TNNI1: variants seen among roughly 807,000 people sequenced by gnomAD.
TNNI1 encodes the protein troponin I, slow skeletal muscle.
A neutral mutation model predicts 26.7 loss-of-function variants in TNNI1; 14 were observed. The observed-to-expected ratio is 0.52, with a 90% CI of 0.35 to 0.82. TNNI1 has a LOEUF of 0.82. Ranked by LOEUF, TNNI1 falls within the 40% of genes least tolerant of loss-of-function variation. The probability of loss-of-function intolerance (pLI) is 0.01; values close to 1 mark genes in which losing one functional copy is unlikely to be tolerated. For missense variants in TNNI1, 164 were observed against 257.0 expected (o/e 0.64, Z 2.47); for synonymous variants, 79 against 98.2 (o/e 0.80, Z 1.16).
intron 8 of TNNI1, 38 bp downstream of exon 8, chr1:201,410,288 C>T: frequency 2.5e-6 from 4 of 1,584,454 alleles, no homozygotes; most frequent in Non-Finnish European, 3.5e-6. Context: ...CCTCTAGACT[C>T]TGATGGACCC....
rs1662712351 is a variant in TNNI1, at chr1:201,415,196, C to A, written c.57+17G>T. The stretch of plus-strand genomic sequence containing the variant: ...CCTCCCACTGGGCATCCCCCCACAG[C>A]CAGCCCCCAGCCTCACCTTCAGCAA... On this transcript the variant is annotated intron_variant, in intron 4 of 8. Coordinates refer to ENST00000361379, the MANE Select transcript of TNNI1 (RefSeq NM_003281.4). The A allele has an allele frequency of 1.2e-6, 2 of 1,611,906 alleles. No homozygotes were observed. Among genetic ancestry groups the A allele is most frequent in the Non-Finnish European group, 8.5e-7 (1 of 1,178,390 alleles).
chr1:201,410,204 T>A (rs929153320), intron 8 of TNNI1, 122 bp downstream of exon 8: 8 of 775,574 alleles, frequency 1.0e-5, no homozygotes, highest in Middle Eastern at 2.5e-4. Context: ...ATCAGTCTCA[T>A]CGGTGCCTTA....
chr1:201,418,044 CT>C (rs35188093), intron 1 of TNNI1, among the ~76,000 whole-genome samples: 6,404 of 122,324 alleles, frequency 0.052, 157 homozygotes, highest in African/African-American at 0.093. Flanking sequence ...GAATTGTAAG[CT>C]TTTTTTTTTT....
chr1:201,419,404 G>A (rs1662816721), intron 1 of TNNI1, among the ~76,000 whole-genome samples: 1 of 152,224 alleles, frequency 6.6e-6, no homozygotes, highest in Non-Finnish European at 1.5e-5. Flanking sequence ...AAAGGAAGGG[G>A]ACAGCTGAGG....
chr1:201,413,774 C>T (rs956196901), intron 5 of TNNI1, among the ~76,000 whole-genome samples: 2 of 152,082 alleles, frequency 1.3e-5, no homozygotes, highest in Admixed American at 6.6e-5. Context: ...TTCATCATGG[C>T]TCATTGCAGC....
At chr1:201,415,650 G>A (rs12064327) in intron 3 of TNNI1, among the ~76,000 whole-genome samples, 4,523 of 152,168 alleles carry the variant, frequency 0.03, 120 homozygotes, top group African/African-American at 0.073. Flanking sequence ...TTTGAAAATC[G>A]TAAAAGCTAT....
chr1:201,415,077 A>T, intron 4 of TNNI1, 136 bp downstream of exon 4: 1 of 790,980 alleles, frequency 1.3e-6, no homozygotes, highest in Non-Finnish European at 2.1e-6. Context: ...GCAATGCTGG[A>T]CTCCTGCCCC....
chr1:201,420,051 G>T (rs946160276), intron 1 of TNNI1, among the ~76,000 whole-genome samples: 3 of 152,216 alleles, frequency 2.0e-5, no homozygotes, highest in African/African-American at 7.2e-5. Flanking sequence ...AGGGCACCAG[G>T]TCTGCGTCTG....
chr1:201,415,950 TG>T (rs1571737576), intron 3 of TNNI1, among the ~76,000 whole-genome samples: 1 of 152,154 alleles, frequency 6.6e-6, no homozygotes, highest in East Asian at 1.9e-4. Context: ...CTAATGAGAC[TG>T]TGATGCCTTT....
intron 5 of TNNI1, among the ~76,000 whole-genome samples, chr1:201,414,108 C>T (rs1662689665): frequency 6.6e-6 from 1 of 152,234 alleles, no homozygotes; most frequent in South Asian, 2.1e-4. Flanking sequence ...TCCTTCCAGT[C>T]TCTTTTCTCT....
Position 201,415,381 on chromosome 1 carries a change from G to A in TNNI1, c.16-127C>T, listed in dbSNP as rs78137421. 530 of 974,596 alleles carry A rather than the reference G, an allele frequency of 5.4e-4. 6 individuals carry two copies. The East Asian group carries it at 0.012, about 22-fold the overall frequency. 60.4% of individuals were successfully genotyped at this position (974,596 alleles called of 1,614,324 possible). A position where few individuals can be genotyped will look rare whatever the true frequency, so the allele number is the denominator to read the frequency against. On this transcript the variant is annotated intron_variant, in intron 3 of 8. Coordinates refer to ENST00000361379, the MANE Select transcript of TNNI1 (RefSeq NM_003281.4). ...ATCCGGAATCCTCTGCTCACCCTACGGTGCCTTAAAAGCTCATCTTTGTTA... is the reference window on the plus strand; with the variant it reads ...ATCCGGAATCCTCTGCTCACCCTACAGTGCCTTAAAAGCTCATCTTTGTTA...
chr1:201,413,136 T>C lies in TNNI1; in HGVS notation c.190-15A>G, dbSNP rs531984853. On this transcript the variant is annotated splice_polypyrimidine_tract_variant and intron_variant, in intron 5 of 8. Coordinates refer to ENST00000361379, the MANE Select transcript of TNNI1 (RefSeq NM_003281.4). ...CGGCACAGGTCCTGGGGGCCGCAGA[T>C]GGATCATGCAGGTGTGAAGAAGAGG... The C allele has an allele frequency of 6.7e-5, 108 of 1,613,796 alleles. 2 individuals are homozygous for C. In the South Asian group the frequency reaches 1.1e-3, roughly 17 times the overall value.
In TNNI1 at chr1:201,406,518, T is replaced by C. The variant is rs1168918299; in HGVS notation, c.*2735A>G. On this transcript the variant is annotated 3_prime_UTR_variant, in exon 9 of 9. Coordinates refer to ENST00000361379, the MANE Select transcript of TNNI1 (RefSeq NM_003281.4). ...CTGTACCTTTCTCCTAGGGTTGTTG[T>C]GAAAGTTAAATAAATTAAGGTGTAC... The C allele has an allele frequency of 2.0e-5, 3 of 152,186 alleles. No homozygotes were observed. 9.4% of individuals were successfully genotyped at this position (152,186 alleles called of 1,614,324 possible). A position where few individuals can be genotyped will look rare whatever the true frequency, so the allele number is the denominator to read the frequency against.
chr1:201,417,702 T>C lies in TNNI1; in HGVS notation c.11+81A>G. The C allele has an allele frequency of 3.3e-6, 4 of 1,223,926 alleles. No individual in the cohort carries two copies. The South Asian group carries it at 1.1e-4, about 33-fold the overall frequency. The allele number at this position is 1,223,926 out of a possible 1,614,324, so 75.8% of individuals were successfully genotyped here. A position where few individuals can be genotyped will look rare whatever the true frequency, so the allele number is the denominator to read the frequency against. On this transcript the variant is annotated intron_variant, in intron 2 of 8. Transcript: ENST00000361379. Reference sequence around the variant, plus strand: ...GGAAAAGCTTTGGGGGTTGAAAACATGGTGCCTCCACTGCGGGGCTGAAGT... The same window carrying C: ...GGAAAAGCTTTGGGGGTTGAAAACACGGTGCCTCCACTGCGGGGCTGAAGT...
chr1:201,410,469 C>A (rs1275078256), intron 7 of TNNI1, 34 bp from the exon 8 acceptor site: 1 of 1,586,616 alleles, frequency 6.3e-7, no homozygotes, highest in African/African-American at 1.3e-5. Context: ...CAGGGACTTA[C>A]CAGGCTGGAC....
At chr1:201,416,520 C>T (rs1186997068) in intron 3 of TNNI1, among the ~76,000 whole-genome samples, 1 of 152,208 alleles carries the variant, frequency 6.6e-6, no homozygotes, top group Non-Finnish European at 1.5e-5. Context: ...TCACTGTTTC[C>T]ATCCCTGGGC....
At position 201,405,555 on chromosome 1, in the gene TNNI1, G is replaced by A. The variant is rs896094851; in HGVS notation, c.*3698C>T. 1.3e-5 allele frequency: 2 copies of A among 152,816 alleles called. No individual in the cohort carries two copies. The highest frequency in any genetic ancestry group is 2.4e-5 in the African/African-American group (1 of 41,446). 9.5% of individuals were successfully genotyped at this position (152,816 alleles called of 1,614,324 possible). A position where few individuals can be genotyped will look rare whatever the true frequency, so the allele number is the denominator to read the frequency against. On this transcript the variant is annotated 3_prime_UTR_variant, in exon 9 of 9. Coordinates refer to ENST00000361379, the MANE Select transcript of TNNI1 (RefSeq NM_003281.4). The stretch of plus-strand genomic sequence containing the variant: ...CCGGCTGCCCAGCCCAGAGACTTGT[G>A]GGGAGTATGACTCACTTCGCGGGGG...
chr1:201,411,212 T>A lies in TNNI1; in HGVS notation c.456+145A>T. The A allele has an allele frequency of 2.5e-6, 2 of 813,332 alleles. No individual in the cohort carries two copies. The highest frequency in any genetic ancestry group is 3.9e-6 in the Non-Finnish European group (2 of 514,426). 50.4% of individuals were successfully genotyped at this position (813,332 alleles called of 1,614,324 possible). On this transcript the variant is annotated intron_variant, in intron 7 of 8. Transcript: ENST00000361379. This position sits in a 1 kb window ranked among gnomAD's most constrained non-coding sequence, Gnocchi z 4.6. Reference sequence around the variant, plus strand: ...TTCTTTCTTTCTTCCCACACTGGTCTCCCAAAGCATTCTAGAATGTTCTGT... The same window carrying A: ...TTCTTTCTTTCTTCCCACACTGGTCACCCAAAGCATTCTAGAATGTTCTGT...
chr1:201,421,283 C>T (rs1192699920), intron 1 of TNNI1, among the ~76,000 whole-genome samples: 2 of 152,132 alleles, frequency 1.3e-5, no homozygotes, highest in African/African-American at 2.4e-5. Flanking sequence ...ACTTTGAGCA[C>T]TCACCCTGGC....
Sources: gnomAD v4.1 joint callset for allele counts (sites outside exome capture counted in the v4.1 genomes callset) on GRCh38, gnomAD v4.1.1 for gene constraint, Gnocchi (gnomAD v3.1) non-coding constraint, MANE v1.5 for transcripts, NCBI Gene and HGNC (gene_info 2026-07-23, HGNC 2026-07-21) for gene names.